LIMS1: variants seen among roughly 807,000 people sequenced by gnomAD.
LIMS1 encodes LIM and senescent cell antigen-like-containing domain protein 1.
Under a neutral mutation model 44.1 loss-of-function variants are expected in LIMS1, and 18 were observed. The ratio of observed to expected loss-of-function variants is 0.41; its 90% CI spans 0.28 to 0.61. LIMS1 has a LOEUF of 0.61. Ranked by LOEUF, LIMS1 falls within the 20% of genes least tolerant of loss-of-function variation. The probability of loss-of-function intolerance (pLI) is 0.32; values close to 1 mark genes in which losing one functional copy is unlikely to be tolerated. For synonymous variants in LIMS1, 93 were observed against 149.1 expected, an observed-to-expected ratio of 0.62 and a Z score of 2.74; for missense variants, 201 against 422.0, an observed-to-expected ratio of 0.48 and a Z score of 4.59.
At chr2:108,683,828 A>T in intron 9 of LIMS1, 57 bp from the exon 10 acceptor site, 5 of 896,470 alleles carry the variant, frequency 5.6e-6, no homozygotes, top group Non-Finnish European at 7.0e-6. Flanking sequence ...TCATTTATAT[A>T]TCTTTGTTGA....
rs542401700 is a variant in LIMS1, at chr2:108,581,491, T to G, written c.32+46897T>G. ...TGTTCCCCAATTCATGAATTGCTTC[T>G]TACTCAAATAAACTCTTTAAAATTG... On this transcript the variant is annotated intron_variant, in intron 1 of 9. Transcript: ENST00000544547. Among the ~76,000 whole-genome samples, 14 of 152,376 alleles carry G rather than the reference T, an allele frequency of 9.2e-5. No individual in the cohort carries two copies. In the East Asian group the frequency reaches 2.3e-3, roughly 25 times the overall value.
At chr2:108,549,325 C>T (rs1354247816) in intron 1 of LIMS1, among the ~76,000 whole-genome samples, 1 of 101,946 alleles carries the variant, frequency 9.8e-6, no homozygotes, top group South Asian at 3.5e-4. Context: ...GATGCAGTGT[C>T]GCTCTGTCGC....
intron 1 of LIMS1, among the ~76,000 whole-genome samples, chr2:108,615,466 G>A (rs1171070131): frequency 6.6e-6 from 1 of 152,060 alleles, no homozygotes; most frequent in Non-Finnish European, 1.5e-5. Context: ...GGTCGGGTGG[G>A]GGGTATGGTG....
At chr2:108,638,312 G>T (rs185410875) in intron 1 of LIMS1, among the ~76,000 whole-genome samples, 215 of 152,354 alleles carry the variant, frequency 1.4e-3, no homozygotes, top group African/African-American at 4.2e-3. Context: ...GAGCTGTCTG[G>T]GTGTCTGGGT....
exon 10 of LIMS1, chr2:108,686,481 G>A (rs967125949): frequency 6.7e-6 from 1 of 150,080 alleles, no homozygotes; most frequent in African/African-American, 2.5e-5. Flanking sequence ...AGTTTAAAAA[G>A]TGTAAGTGGG....
intron 1 of LIMS1, among the ~76,000 whole-genome samples, chr2:108,589,769 T>C (rs879461621): frequency 6.6e-4 from 100 of 152,278 alleles, no homozygotes; most frequent in Non-Finnish European, 1.2e-3. Context: ...AATTTCCCCT[T>C]TAATTTTTTC....
intron 1 of LIMS1, among the ~76,000 whole-genome samples, chr2:108,606,801 G>A (rs1687292537): frequency 6.6e-6 from 1 of 152,248 alleles, no homozygotes; most frequent in South Asian, 2.1e-4. Context: ...TGAGGAGAGA[G>A]GCTGGAGGTT....
At chr2:108,538,285 A>AT (rs1166391097) in intron 1 of LIMS1, among the ~76,000 whole-genome samples, 2 of 152,214 alleles carry the variant, frequency 1.3e-5, no homozygotes, top group Non-Finnish European at 2.9e-5. Context: ...ATTTGATCAT[A>AT]TCACACATTT....
intron 1 of LIMS1, among the ~76,000 whole-genome samples, chr2:108,556,705 A>G (rs1684935526): frequency 6.6e-6 from 1 of 152,234 alleles, no homozygotes; most frequent in South Asian, 2.1e-4. Context: ...ATGAGTAAAC[A>G]GCAAACTGTT....
chr2:108,600,266 G>C (rs1263356771), intron 1 of LIMS1, among the ~76,000 whole-genome samples: 1 of 151,556 alleles, frequency 6.6e-6, no homozygotes, highest in South Asian at 2.1e-4. Flanking sequence ...GGCCAGGCTG[G>C]TCTTGAACTC....
At chr2:108,610,136 C>G (rs1162354346) in intron 1 of LIMS1, among the ~76,000 whole-genome samples, 1 of 148,784 alleles carries the variant, frequency 6.7e-6, no homozygotes, top group East Asian at 2.0e-4. Flanking sequence ...AAGTGAGACT[C>G]TGTTACAAAA....
At position 108,548,503 on chromosome 2, in the gene LIMS1, G is replaced by A. The variant is rs781440273; in HGVS notation, c.32+13909G>A. Among the ~76,000 whole-genome samples, 35 of 152,268 alleles carry A rather than the reference G, an allele frequency of 2.3e-4. No individual in the cohort carries two copies. The South Asian group carries it at 3.5e-3, about 15-fold the overall frequency. On this transcript the variant is annotated intron_variant, in intron 1 of 9. Transcript: ENST00000544547. ...TTTAGACCTGAGTTTTCCAGTATTC[G>A]TCAGGTGCTTTCCCTTTGGGAGTGG...
chr2:108,633,047 A>G (rs906715387), intron 1 of LIMS1, among the ~76,000 whole-genome samples: 1 of 152,186 alleles, frequency 6.6e-6, no homozygotes, highest in Non-Finnish European at 1.5e-5. Flanking sequence ...GCATCCGTGT[A>G]TCCCCTGCTC....
At chr2:108,675,953 C>A (rs749999926) in exon 6 of LIMS1, 4 of 1,613,986 alleles carry the variant, frequency 2.5e-6, no homozygotes, top group Admixed American at 1.7e-5. Context: ...AAATGGGGGT[C>A]CCCATCTGTG....
At chr2:108,567,375 A>G (rs1047923119) in intron 1 of LIMS1, among the ~76,000 whole-genome samples, 1 of 152,124 alleles carries the variant, frequency 6.6e-6, no homozygotes, top group African/African-American at 2.4e-5. Flanking sequence ...AGCTGCTGGG[A>G]TAGGCTCCAG....
At chr2:108,534,257 A>G (rs1199112015), upstream of LIMS1, 21 of 164,716 alleles carry the variant, frequency 1.3e-4, 3 homozygotes, top group East Asian at 3.7e-3. Context: ...GCGGGGTCTG[A>G]TGCGCGCCCC....
At chr2:108,534,789 C>T (rs1441236263) in intron 1 of LIMS1, among the ~76,000 whole-genome samples, 195 bp downstream of exon 1, 2 of 151,880 alleles carry the variant, frequency 1.3e-5, no homozygotes, top group Non-Finnish European at 2.9e-5. Context: ...GAGACGGCTG[C>T]TGTTCACTCC....
At chr2:108,672,840 A>G (rs1340266369) in intron 4 of LIMS1, 40 bp from the exon 5 acceptor site, 1 of 547,058 alleles carries the variant, frequency 1.8e-6, no homozygotes, top group South Asian at 2.2e-5. Flanking sequence ...ACCATTAGAA[A>G]GAACCTAAAA....
chr2:108,581,948 A>AAC (rs1553455105), intron 1 of LIMS1, among the ~76,000 whole-genome samples: 1 of 152,090 alleles, frequency 6.6e-6, no homozygotes, highest in African/African-American at 2.4e-5. Flanking sequence ...AAAAAAAAAA[A>AAC]AAACAAACAA....
Sources: gnomAD v4.1 joint callset for allele counts (sites outside exome capture counted in the v4.1 genomes callset) on GRCh38, gnomAD v4.1.1 for gene constraint, MANE v1.5 for transcripts, NCBI Gene and HGNC (gene_info 2026-07-23, HGNC 2026-07-21) for gene names.